Variants in ADGRG6 observed in about 807,000 individuals in gnomAD.
ADGRG6 encodes adhesion G protein-coupled receptor G6.
In ADGRG6, 84 loss-of-function variants were observed where a neutral mutation model predicts 142.4. The ratio of observed to expected loss-of-function variants is 0.59; its 90% CI spans 0.49 to 0.71. The LOEUF is 0.71. Among genes scored for constraint, ADGRG6 ranks in the 30% least tolerant of loss-of-function variants. The pLI, the probability that ADGRG6 is intolerant of heterozygous loss-of-function variation, is 0.00. For missense variants in ADGRG6, 1,367 were observed against 1,466.6 expected (o/e 0.93, Z 1.11); for synonymous variants, 521 against 520.5 (o/e 1.00, Z -0.01).
intron 1 of ADGRG6, 100 bp from the exon 2 acceptor site, chr6:142,309,444 T>C (rs1267917102): frequency 5.8e-6 from 4 of 689,454 alleles, no homozygotes; most frequent in Non-Finnish European, 7.0e-6. Context: ...GAAAAAGGTT[T>C]ATTTTCCAGT....
rs139028527 is a variant in ADGRG6 at position 142,330,954 on chromosome 6, G to A, written c.103+21310G>A. Among the ~76,000 whole-genome samples, 633 of 151,852 alleles carry A rather than the reference G, an allele frequency of 4.2e-3. 4 individuals carry two copies. Among genetic ancestry groups the A allele is most frequent in the African/African-American group, 0.014 (597 of 41,416 alleles). On this transcript the variant is annotated intron_variant, in intron 2 of 24. Coordinates refer to ENST00000367609, the MANE Select transcript of ADGRG6 (RefSeq NM_198569.3). Reference sequence around the variant, plus strand: ...TTTCTTTAAAAAAAAAGCTTTTTAAGCTTCATTTATATAACTGGACTTGAG... The same window carrying A: ...TTTCTTTAAAAAAAAAGCTTTTTAAACTTCATTTATATAACTGGACTTGAG...
intron 2 of ADGRG6, among the ~76,000 whole-genome samples, chr6:142,365,623 TTGA>T (rs1780910305): frequency 6.6e-6 from 1 of 152,188 alleles, no homozygotes; most frequent in South Asian, 2.1e-4. Flanking sequence ...TGGCAGACAC[TTGA>T]TGATCATCAT....
At chr6:142,368,505 A>G (rs901247333) in intron 3 of ADGRG6, among the ~76,000 whole-genome samples, 4 of 152,092 alleles carry the variant, frequency 2.6e-5, no homozygotes, top group Non-Finnish European at 4.4e-5. Context: ...GTTTCCCTAA[A>G]GAAACTCAAG....
At chr6:142,383,933 G>T (rs41289839) in intron 6 of ADGRG6, 90 bp downstream of exon 6, 7 of 696,360 alleles carry the variant, frequency 1.0e-5, no homozygotes, top group South Asian at 1.7e-5. Flanking sequence ...CCAACAAAGT[G>T]TCTGTTACTG....
At chr6:142,376,537 AT>A (rs1781510040) in intron 4 of ADGRG6, among the ~76,000 whole-genome samples, 1 of 152,022 alleles carries the variant, frequency 6.6e-6, no homozygotes, top group Admixed American at 6.6e-5. Flanking sequence ...CAACTCTTGG[AT>A]TTTTACCGTT....
rs1779692603 is a variant in ADGRG6 at position 142,342,221 on chromosome 6, C to T, written c.104-25348C>T. ...TAACTGAATGGAAAAAAAAATTCTC[C>T]AGAGAGAGTGGAGAAAATTGTTGAA... On this transcript the variant is annotated intron_variant, in intron 2 of 24. Transcript: ENST00000367609. Among the ~76,000 whole-genome samples the T allele has an allele frequency of 2.0e-5, 3 of 151,922 alleles. No homozygotes were observed. The South Asian group carries it at 6.2e-4, about 32-fold the overall frequency.
At chr6:142,350,551 T>G (rs1239606234) in intron 2 of ADGRG6, among the ~76,000 whole-genome samples, 1 of 152,230 alleles carries the variant, frequency 6.6e-6, no homozygotes, top group East Asian at 1.9e-4. Flanking sequence ...GCTTCTTGTC[T>G]TTCCTAAAGA....
intron 4 of ADGRG6, among the ~76,000 whole-genome samples, chr6:142,372,932 C>A (rs1781323995): frequency 6.6e-6 from 1 of 152,058 alleles, no homozygotes; most frequent in Non-Finnish European, 1.5e-5. Flanking sequence ...TGTCAGCAAC[C>A]AAAACAAATA....
intron 2 of ADGRG6, among the ~76,000 whole-genome samples, chr6:142,333,554 TG>T (rs1239346674): frequency 1.3e-5 from 2 of 152,186 alleles, no homozygotes; most frequent in African/African-American, 4.8e-5. Context: ...CTCACTGTGT[TG>T]CCCACGCTAG....
intron 2 of ADGRG6, among the ~76,000 whole-genome samples, chr6:142,342,951 A>G (rs150867982): frequency 0.014 from 2,124 of 151,910 alleles, 52 homozygotes; most frequent in African/African-American, 0.047. Flanking sequence ...GTATATTTCA[A>G]CATGACTTGC....
At chr6:142,426,006 G>T (rs556317850) in intron 22 of ADGRG6, among the ~76,000 whole-genome samples, 6 of 152,258 alleles carry the variant, frequency 3.9e-5, no homozygotes, top group Middle Eastern at 3.4e-3. Context: ...CCCATGATGT[G>T]TGGGAATTGT....
chr6:142,386,369 C>G (rs1245699796), intron 6 of ADGRG6, among the ~76,000 whole-genome samples: 1 of 152,154 alleles, frequency 6.6e-6, no homozygotes, highest in Non-Finnish European at 1.5e-5. Context: ...CATCACCAAA[C>G]TTCCAAATAA....
chr6:142,341,092 G>A (rs563537080), intron 2 of ADGRG6, among the ~76,000 whole-genome samples: 26 of 151,694 alleles, frequency 1.7e-4, no homozygotes, highest in Non-Finnish European at 3.4e-4. Flanking sequence ...GAATGAAAGT[G>A]ATCTTCAAAA....
intron 21 of ADGRG6, among the ~76,000 whole-genome samples, chr6:142,419,198 CA>C (rs1776529612): frequency 6.6e-6 from 1 of 152,112 alleles, no homozygotes; most frequent in Non-Finnish European, 1.5e-5. Context: ...ATGGTAGTGG[CA>C]ATCACTGGCA....
At chr6:142,376,574 C>T (rs945118277) in intron 4 of ADGRG6, among the ~76,000 whole-genome samples, 3 of 152,102 alleles carry the variant, frequency 2.0e-5, no homozygotes, top group African/African-American at 4.8e-5. Flanking sequence ...TTCTGTTCTT[C>T]ATAGCTATAA....
At chr6:142,371,484 G>GTTTTTTTTTT (rs1273994234) in intron 4 of ADGRG6, among the ~76,000 whole-genome samples, 6 of 93,182 alleles carry the variant, frequency 6.4e-5, no homozygotes, top group Non-Finnish European at 6.2e-5. Context: ...GTTTTTTTTT[G>GTTTTTTTTTT]TTTTTTTTTT....
At chr6:142,433,497 T>G (rs1478176878) in intron 22 of ADGRG6, among the ~76,000 whole-genome samples, 1 of 152,100 alleles carries the variant, frequency 6.6e-6, no homozygotes, top group African/African-American at 2.4e-5. Context: ...GAGGATGAAA[T>G]CCTAACCGAA....
intron 2 of ADGRG6, among the ~76,000 whole-genome samples, chr6:142,336,100 T>C (rs1562319632): frequency 6.6e-6 from 1 of 152,212 alleles, no homozygotes; most frequent in Non-Finnish European, 1.5e-5. Context: ...TTCTGCATGA[T>C]AGCAGTGCCT....
intron 10 of ADGRG6, among the ~76,000 whole-genome samples, chr6:142,398,331 A>AG (rs1285256167): frequency 1.3e-5 from 2 of 152,146 alleles, no homozygotes; most frequent in East Asian, 3.9e-4. Context: ...GGGCTGAGGC[A>AG]GGAGGATTAC....
Sources: allele counts gnomAD v4.1 joint callset (sites outside exome capture counted in the v4.1 genomes callset), GRCh38; gene constraint gnomAD v4.1.1; transcripts MANE v1.5; gene names NCBI Gene and HGNC (gene_info 2026-07-23, HGNC 2026-07-21).